PKIG: variants seen among roughly 807,000 people sequenced by gnomAD.
PKIG encodes the protein protein kinase (cAMP-dependent, catalytic) inhibitor gamma.
Under a neutral mutation model 6.8 loss-of-function variants are expected in PKIG, and 1 was observed. That is an observed-to-expected ratio of 0.15 (90% CI 0.05 to 0.69). The LOEUF is 0.69. Among genes scored for constraint, PKIG ranks in the 30% least tolerant of loss-of-function variants. The pLI is 0.82. For synonymous variants in PKIG, 39 were observed against 43.0 expected (o/e 0.91, Z 0.36); for missense variants, 77 against 104.0 (o/e 0.74, Z 1.13).
At chr20:44,596,144 T>C (rs1203556789) in intron 2 of PKIG, among the ~76,000 whole-genome samples, 1 of 152,210 alleles carries the variant, frequency 6.6e-6, no homozygotes, top group African/African-American at 2.4e-5. Context: ...ACCTACCCTC[T>C]TGGAATCAGT....
At chr20:44,618,204 T>G in intron 3 of PKIG, 81 bp from the exon 4 acceptor site, 1 of 886,166 alleles carries the variant, frequency 1.1e-6, no homozygotes, top group Admixed American at 1.7e-5. Context: ...GCTATCAGTT[T>G]GGCTGGGCCC....
At chr20:44,532,060 C>A (rs1227067307) in intron 1 of PKIG, 1 of 152,224 alleles carries the variant, frequency 6.6e-6, no homozygotes, top group Non-Finnish European at 1.5e-5. Flanking sequence ...AGGGGCTGAG[C>A]CGCCGGGGAT....
chr20:44,555,108 T>A (rs1047592412), intron 1 of PKIG, among the ~76,000 whole-genome samples: 1 of 152,210 alleles, frequency 6.6e-6, no homozygotes, highest in Non-Finnish European at 1.5e-5. Flanking sequence ...TTTGTTGATG[T>A]TGTCATTATT....
chr20:44,597,172 G>A (rs1440988758), intron 2 of PKIG, among the ~76,000 whole-genome samples: 3 of 152,062 alleles, frequency 2.0e-5, no homozygotes, highest in Admixed American at 6.6e-5. Flanking sequence ...ACCCTCAGTC[G>A]CTCCACCCAG....
At chr20:44,581,663 CT>C (rs1233293533), upstream of PKIG, among the ~76,000 whole-genome samples, 7 of 152,292 alleles carry the variant, frequency 4.6e-5, no homozygotes, top group Admixed American at 4.6e-4. Flanking sequence ...TATGCTGCTG[CT>C]TTTCATGTCC....
At chr20:44,579,424 TG>T (rs1184154434), upstream of PKIG, among the ~76,000 whole-genome samples, 2 of 152,228 alleles carry the variant, frequency 1.3e-5, no homozygotes, top group Non-Finnish European at 2.9e-5. Flanking sequence ...GCAAGGGGGT[TG>T]TGGATTCAGG....
intron 1 of PKIG, among the ~76,000 whole-genome samples, chr20:44,571,768 G>T (rs988249223): frequency 3.3e-5 from 5 of 152,184 alleles, no homozygotes; most frequent in Admixed American, 2.6e-4. Context: ...TGTGCAGAAG[G>T]CTCTGCACAT....
intron 1 of PKIG, among the ~76,000 whole-genome samples, chr20:44,573,050 G>C (rs923732586): frequency 1.3e-4 from 20 of 152,218 alleles, no homozygotes; most frequent in African/African-American, 4.8e-4. Flanking sequence ...TTTCAGGGCA[G>C]AGGCACGCAT....
chr20:44,566,278 T>TTA (rs1483255344), intron 1 of PKIG, among the ~76,000 whole-genome samples: 7 of 152,342 alleles, frequency 4.6e-5, no homozygotes, highest in African/African-American at 1.7e-4. Flanking sequence ...AGTTGAGTAG[T>TTA]TACCACAGAG....
intron 1 of PKIG, among the ~76,000 whole-genome samples, chr20:44,566,882 T>C (rs1220641215): frequency 1.3e-5 from 2 of 152,232 alleles, no homozygotes; most frequent in Admixed American, 1.3e-4. Flanking sequence ...CTAGTCCCAG[T>C]CTACTAAATT....
chr20:44,534,086 G>T (rs1162247916), intron 1 of PKIG, among the ~76,000 whole-genome samples: 1 of 152,136 alleles, frequency 6.6e-6, no homozygotes, highest in African/African-American at 2.4e-5. Flanking sequence ...GCTGCGAAGG[G>T]AGGTAGAGAG....
intron 1 of PKIG, among the ~76,000 whole-genome samples, chr20:44,560,961 A>G (rs1411577122): frequency 1.3e-5 from 2 of 152,264 alleles, no homozygotes; most frequent in Non-Finnish European, 2.9e-5. Context: ...CAAAAGTATC[A>G]AAGCCATGAG....
At chr20:44,558,359 A>G (rs1262827628) in intron 1 of PKIG, among the ~76,000 whole-genome samples, 1 of 152,140 alleles carries the variant, frequency 6.6e-6, no homozygotes. Flanking sequence ...CTGAGACTTG[A>G]TATGTGGACT....
At chr20:44,583,626 A>C (rs1383916456) in intron 1 of PKIG, among the ~76,000 whole-genome samples, 3 of 152,110 alleles carry the variant, frequency 2.0e-5, no homozygotes, top group Non-Finnish European at 4.4e-5. Flanking sequence ...CTTCAACAAA[A>C]AGCTACCATA....
intron 2 of PKIG, chr20:44,598,574 A>G (rs1210129743): frequency 1.3e-5 from 2 of 152,220 alleles, no homozygotes; most frequent in Non-Finnish European, 2.9e-5. Context: ...CAGGCCTGCC[A>G]GGAAGTGATC....
chr20:44,536,188 C>T (rs767502554), intron 1 of PKIG, among the ~76,000 whole-genome samples: 19 of 152,168 alleles, frequency 1.2e-4, no homozygotes, highest in Non-Finnish European at 2.5e-4. Flanking sequence ...CATGTTTATA[C>T]CGCACTTTGT....
chr20:44,557,656 T>TA lies in PKIG; in HGVS notation c.-240-24911dup, dbSNP rs3092366. Reference sequence around the variant, plus strand: ...TAACACAATGAAACACTGTCTCTACTAAAAAAAAAAAAAAAAAATTAGCCA... The same window carrying TA: ...TAACACAATGAAACACTGTCTCTACTAAAAAAAAAAAAAAAAAAATTAGCCA... On this transcript the variant is annotated intron_variant, in intron 1 of 4. Coordinates refer to the PKIG transcript ENST00000372887. 7.4e-3 allele frequency among the ~76,000 whole-genome samples: 928 copies of TA among 124,646 alleles called. 7 individuals carry two copies. Among genetic ancestry groups the TA allele is most frequent in the Non-Finnish European group, 0.011 (662 of 57,604 alleles). 81.8% of individuals were successfully genotyped at this position (124,646 alleles called of 152,430 possible).
intron 1 of PKIG, among the ~76,000 whole-genome samples, chr20:44,575,057 T>G (rs780744718): frequency 1.3e-5 from 2 of 151,952 alleles, no homozygotes; most frequent in Non-Finnish European, 1.5e-5. Flanking sequence ...ACTCATCAGT[T>G]TTTTGTTTGT....
In PKIG at chr20:44,614,820, T is replaced by A; in HGVS notation, c.151+113T>A. On this transcript the variant is annotated intron_variant, in intron 3 of 3. Transcript: ENST00000372886. This position sits in a 1 kb window ranked among gnomAD's most constrained non-coding sequence, Gnocchi z 4.6. The stretch of plus-strand genomic sequence containing the variant: ...ACTTTCTTAGAGAAGAAACCACATT[T>A]AAGTCAGGCCTGCCCCATGGTCAGT... 1 of 1,090,494 alleles carries A rather than the reference T, an allele frequency of 9.2e-7. No homozygotes were observed. Among genetic ancestry groups the A allele is most frequent in the Non-Finnish European group, 1.3e-6 (1 of 762,842 alleles). 67.6% of individuals were successfully genotyped at this position (1,090,494 alleles called of 1,614,324 possible).
Sources: allele counts gnomAD v4.1 joint callset (sites outside exome capture counted in the v4.1 genomes callset), GRCh38; gene constraint gnomAD v4.1.1; non-coding constraint Gnocchi (gnomAD v3.1); transcripts MANE v1.5; gene names NCBI Gene and HGNC (gene_info 2026-07-23, HGNC 2026-07-21).